The following MYBPC2 variants were observed in gnomAD, a reference collection of about 807,000 sequenced individuals.
MYBPC2 encodes myosin-binding protein C, fast-type.
A neutral mutation model predicts 137.0 loss-of-function variants in MYBPC2; 122 were observed. The ratio of observed to expected loss-of-function variants is 0.89; its 90% CI spans 0.77 to 1.03. MYBPC2 has a LOEUF of 1.03. Among genes scored for constraint, MYBPC2 ranks in the 50% least tolerant of loss-of-function variants. MYBPC2 has a pLI of 0.00. For synonymous variants in MYBPC2, 626 were observed against 612.3 expected (o/e 1.02, Z -0.33); for missense variants, 1,500 against 1,534.4 (o/e 0.98, Z 0.37).
In MYBPC2 at chr19:50,461,694, C is replaced by T. The variant is rs772121872; in HGVS notation, c.3084C>T (p.Leu1028=). ...TCTCCAAGAACACGGCCCGCATCCT[C>T]AAGACAGGTACAGCCATCCTGCCCC... ...PGVSKNTARI[L]KTGITFKPFE... is the part of the protein sequence containing the mutation. The change falls in exon 25 of 28, where the codon CTC becomes CTT. Residue 1028 remains leucine, a synonymous_variant. Transcript: ENST00000357701. 1.2e-6 allele frequency: 2 copies of T among 1,613,412 alleles called. No homozygotes were observed. The highest frequency in any genetic ancestry group is 2.2e-5 in the East Asian group (1 of 44,882).
At chr19:50,446,569 C>T (rs1745971443) in intron 12 of MYBPC2, among the ~76,000 whole-genome samples, 1 of 150,704 alleles carries the variant, frequency 6.6e-6, no homozygotes, top group African/African-American at 2.4e-5. Flanking sequence ...CCTGTAATCC[C>T]AGCACTTTGA....
intron 1 of MYBPC2, among the ~76,000 whole-genome samples, chr19:50,433,952 G>A (rs1427145432): frequency 6.6e-6 from 1 of 152,302 alleles, no homozygotes; most frequent in East Asian, 1.9e-4. Context: ...GTGCATGCCT[G>A]TAGTCCCAGA....
intron 20 of MYBPC2, 137 bp downstream of exon 20, chr19:50,455,781 A>G (rs1601294180): frequency 1.5e-6 from 2 of 1,304,218 alleles, no homozygotes; most frequent in African/African-American, 1.5e-5. Flanking sequence ...TACTGTTATA[A>G]GTCTCTGGGA....
At position 50,443,543 on chromosome 19, in the gene MYBPC2, T is replaced by G. The variant is rs2039774711; in HGVS notation, c.952T>G (p.Cys318Gly). The G allele has an allele frequency of 6.2e-7, 1 of 1,612,984 alleles. No individual in the cohort carries two copies. The highest frequency in any genetic ancestry group is 1.7e-5 in the Admixed American group (1 of 59,832). Reference sequence around the variant, plus strand: ...GAAGCGAATTCTTACCATCAACAAGTGCACGCTGGCGGATGACGCTGCCTA... The same window carrying G: ...GAAGCGAATTCTTACCATCAACAAGGGCACGCTGGCGGATGACGCTGCCTA... ...GKKRILTINK[C>G]TLADDAAYEV... is the part of the protein sequence containing the mutation. Residue 318 changes from cysteine to glycine, a missense_variant, in exon 10 of 28, where the codon TGC becomes GGC. Physicochemically the swap from Cys to Gly is radical, Grantham distance 159 (BLOSUM62 -3). Transcript: ENST00000357701.
At chr19:50,459,964 T>C in intron 23 of MYBPC2, 76 bp from the exon 24 acceptor site, 1 of 1,400,948 alleles carries the variant, frequency 7.1e-7, no homozygotes, top group Non-Finnish European at 9.3e-7. Flanking sequence ...AGGGAGGGGG[T>C]GTGGAGAGGG....
Position 50,453,365 on chromosome 19 carries a change from G to C in MYBPC2, c.1750-655G>C, listed in dbSNP as rs117475690. Among the ~76,000 whole-genome samples the C allele has an allele frequency of 4.3e-4, 66 of 152,238 alleles. No homozygotes were observed. The East Asian group carries it at 0.011, about 26-fold the overall frequency. On this transcript the variant is annotated intron_variant, in intron 16 of 27. Coordinates refer to ENST00000357701, the MANE Select transcript of MYBPC2 (RefSeq NM_004533.4). ...AGAAGCTATGAGAACCCAGGGGCTG[G>C]AGCCAGCACTTCCAGCTAAGGGTAT...
chr19:50,452,995 A>C (rs2039874857), intron 16 of MYBPC2, among the ~76,000 whole-genome samples: 1 of 152,114 alleles, frequency 6.6e-6, no homozygotes, highest in Non-Finnish European at 1.5e-5. Context: ...CTTGCTCAAC[A>C]TCCATCCATT....
intron 24 of MYBPC2, among the ~76,000 whole-genome samples, chr19:50,460,697 T>G (rs1395493824): frequency 6.6e-6 from 1 of 152,144 alleles, no homozygotes; most frequent in Non-Finnish European, 1.5e-5. Flanking sequence ...AGAAATCCTG[T>G]TTTTAGAATT....
At position 50,461,943 on chromosome 19, in the gene MYBPC2, G is replaced by T. The variant is rs1273203883; in HGVS notation, c.3135G>T (p.Arg1045=). The part of the protein sequence containing the change: ...KPFEYKEHDF[R]MAPKFLTPLI... The stretch of plus-strand genomic sequence containing the variant: ...TCGAGTATAAGGAGCATGACTTCCG[G>T]ATGGCTCCCAAGTTCCTGACACCTC... Residue 1045 remains arginine, a synonymous_variant, in exon 26 of 28, where the codon CGG becomes CGT. Coordinates refer to ENST00000357701, the MANE Select transcript of MYBPC2 (RefSeq NM_004533.4). The T allele has an allele frequency of 9.4e-6, 15 of 1,593,128 alleles. No individual in the cohort carries two copies. Among genetic ancestry groups the T allele is most frequent in the Non-Finnish European group, 1.3e-5 (15 of 1,169,274 alleles).
intron 9 of MYBPC2, 136 bp from the exon 10 acceptor site, chr19:50,443,358 G>A (rs2039772790): frequency 3.1e-6 from 3 of 980,344 alleles, no homozygotes; most frequent in South Asian, 3.8e-5. Context: ...ATTGAAACTG[G>A]GCCCTCAATC....
chr19:50,444,244 A>G (rs2039782269), intron 11 of MYBPC2, among the ~76,000 whole-genome samples: 1 of 149,724 alleles, frequency 6.7e-6, no homozygotes. Flanking sequence ...CCATCCATCC[A>G]TCCACTTAAC....
At chr19:50,454,838 G>A (rs1418303780) in intron 18 of MYBPC2, among the ~76,000 whole-genome samples, 3 of 151,814 alleles carry the variant, frequency 2.0e-5, no homozygotes, top group Non-Finnish European at 4.4e-5. Context: ...TCCTTTACTC[G>A]CTGGTGACCT....
rs770297664 is a variant in MYBPC2, at chr19:50,440,979, C to T, written c.672C>T (p.Ser224=). The part of the protein sequence containing the change: ...IWELLKGAKK[S]EYEKIAFQYG... ...AGCTCCTGAAAGGGGCAAAGAAGAG[C>T]GAGTACGAGAAAATCGCCTTCCAGT... The change falls in exon 8 of 28, where the codon AGC becomes AGT. Residue 224 remains serine (S), a synonymous_variant. Transcript: ENST00000357701. The T allele has an allele frequency of 4.3e-5, 70 of 1,613,400 alleles. No individual in the cohort carries two copies. The highest frequency in any genetic ancestry group is 1.2e-4 in the South Asian group (11 of 90,962).
At chr19:50,434,524 C>T (rs58959331) in intron 1 of MYBPC2, among the ~76,000 whole-genome samples, 6,763 of 152,210 alleles carry the variant, frequency 0.044, 491 homozygotes, top group African/African-American at 0.15. Context: ...GAGGCTTCCC[C>T]GTGTAGGAAT....
chr19:50,450,050 G>A lies in MYBPC2; in HGVS notation c.1473-779G>A, dbSNP rs139449236. 4.0e-3 allele frequency among the ~76,000 whole-genome samples: 614 copies of A among 152,090 alleles called. 5 individuals carry two copies. Among genetic ancestry groups the A allele is most frequent in the African/African-American group, 0.014 (589 of 41,500 alleles). On this transcript the variant is annotated intron_variant, in intron 13 of 27. Transcript: ENST00000357701. ...TACACGCCCATAGTCCCAGCTACTCGGGAGGCTGGGGTGGGAAAATCATTT... is the reference window on the plus strand; with the variant it reads ...TACACGCCCATAGTCCCAGCTACTCAGGAGGCTGGGGTGGGAAAATCATTT...
intron 18 of MYBPC2, among the ~76,000 whole-genome samples, 155 bp downstream of exon 18, chr19:50,454,524 C>T (rs1289872295): frequency 7.0e-6 from 1 of 143,392 alleles, no homozygotes; most frequent in African/African-American, 2.6e-5. Flanking sequence ...CTCCTGGGTA[C>T]AAGCAATTCT....
intron 13 of MYBPC2, 71 bp from the exon 14 acceptor site, chr19:50,450,758 G>A: frequency 1.8e-6 from 2 of 1,096,146 alleles, no homozygotes; most frequent in Non-Finnish European, 2.7e-6. Context: ...GAAGCTGATT[G>A]AGGCGGTGCA....
chr19:50,458,289 G>A (rs1410801928), intron 20 of MYBPC2, among the ~76,000 whole-genome samples: 1 of 147,026 alleles, frequency 6.8e-6, no homozygotes, highest in East Asian at 2.0e-4. Flanking sequence ...CAGCCTGGGC[G>A]ACAGGGCGAG....
Position 50,465,973 on chromosome 19 carries a change from G to A in MYBPC2, c.3416-222G>A, listed in dbSNP as rs903689262. On this transcript the variant is annotated intron_variant, in intron 27 of 27. Coordinates refer to ENST00000357701, the MANE Select transcript of MYBPC2 (RefSeq NM_004533.4). The surrounding 1 kb of genome is among the most constrained non-coding windows in gnomAD (Gnocchi z 4.5). ...TCCCAGCCTCAGGATTCCAGTGACC[G>A]CGTACAGCCAGCAGCTCAGAATGTC... Among the ~76,000 whole-genome samples the A allele has an allele frequency of 1.3e-5, 2 of 152,122 alleles. No individual in the cohort carries two copies. The highest frequency in any genetic ancestry group is 6.6e-5 in the Admixed American group (1 of 15,260).
Sources: allele counts gnomAD v4.1 joint callset (sites outside exome capture counted in the v4.1 genomes callset), GRCh38; gene constraint gnomAD v4.1.1; non-coding constraint Gnocchi (gnomAD v3.1); transcripts MANE v1.5; gene names NCBI Gene and HGNC (gene_info 2026-07-23, HGNC 2026-07-21).